Variants in HS3ST1 observed in about 807,000 individuals in gnomAD.
The protein encoded by HS3ST1 is heparan sulfate glucosamine 3-O-sulfotransferase 1.
HS3ST1 carries 8 observed loss-of-function variants against 20.7 expected under a neutral mutation model. That is an observed-to-expected ratio of 0.39 (90% CI 0.23 to 0.70). The LOEUF is 0.70. HS3ST1 is among the 30% of genes least tolerant of loss of function. The pLI, the probability that HS3ST1 is intolerant of heterozygous loss-of-function variation, is 0.46. For synonymous variants in HS3ST1, 205 were observed against 190.4 expected (o/e 1.08, Z -0.63); for missense variants, 436 against 423.4 (o/e 1.03, Z -0.26).
At chr4:11,422,436 A>G (rs1718963097) in intron 1 of HS3ST1, among the ~76,000 whole-genome samples, 1 of 152,230 alleles carries the variant, frequency 6.6e-6, no homozygotes, top group South Asian at 2.1e-4. Context: ...AGGTGACTCC[A>G]GATAAACATA....
chr4:11,434,298 A>C (rs2108896132), upstream of HS3ST1, among the ~76,000 whole-genome samples: 1 of 152,266 alleles, frequency 6.6e-6, no homozygotes, highest in African/African-American at 2.4e-5. Flanking sequence ...TTTTAACAAA[A>C]ATTAATTTAA....
intron 1 of HS3ST1, among the ~76,000 whole-genome samples, chr4:11,405,891 G>A (rs1297556253): frequency 6.6e-6 from 1 of 152,116 alleles, no homozygotes; most frequent in African/African-American, 2.4e-5. Context: ...TATTCTCTCA[G>A]TCCCACTACT....
upstream of HS3ST1, among the ~76,000 whole-genome samples, chr4:11,431,870 A>G (rs1247638814): frequency 1.3e-5 from 2 of 152,180 alleles, no homozygotes; most frequent in Non-Finnish European, 2.9e-5. Flanking sequence ...AGGAGAGTTT[A>G]GTGACTCGTT....
intron 1 of HS3ST1, among the ~76,000 whole-genome samples, chr4:11,416,380 C>A (rs575240910): frequency 6.6e-6 from 1 of 152,282 alleles, no homozygotes; most frequent in South Asian, 2.1e-4. Context: ...AGGGGCATGA[C>A]CGTGGTTCTG....
chr4:11,406,021 A>G (rs143138001), intron 1 of HS3ST1, among the ~76,000 whole-genome samples: 1,626 of 152,258 alleles, frequency 0.011, 17 homozygotes, highest in Non-Finnish European at 0.014. Context: ...CAGCCCCTCA[A>G]TGAGAGATGG....
At chr4:11,401,700 A>G (rs1478450726) in intron 1 of HS3ST1, among the ~76,000 whole-genome samples, 2 of 152,152 alleles carry the variant, frequency 1.3e-5, no homozygotes, top group African/African-American at 2.4e-5. Context: ...CTATTAGTCT[A>G]TTTCAAAATT....
intron 1 of HS3ST1, among the ~76,000 whole-genome samples, chr4:11,407,099 A>G (rs1388353571): frequency 1.3e-5 from 2 of 152,020 alleles, no homozygotes; most frequent in African/African-American, 2.4e-5. Flanking sequence ...ATAAATATTT[A>G]TTTTCTTGAA....
At chr4:11,413,673 A>G (rs1270396777) in intron 1 of HS3ST1, among the ~76,000 whole-genome samples, 1 of 152,084 alleles carries the variant, frequency 6.6e-6, no homozygotes, top group East Asian at 1.9e-4. Context: ...ACAATAGGAG[A>G]GAAGGTACAA....
intron 1 of HS3ST1, among the ~76,000 whole-genome samples, chr4:11,406,798 A>G (rs1031585229): frequency 1.3e-5 from 2 of 152,054 alleles, no homozygotes; most frequent in African/African-American, 2.4e-5. Context: ...GTGTTGAGTG[A>G]TTTAATTTTC....
chr4:11,418,564 C>A (rs16881605), intron 1 of HS3ST1, among the ~76,000 whole-genome samples: 7 of 152,158 alleles, frequency 4.6e-5, no homozygotes, highest in African/African-American at 1.7e-4. Context: ...TTTCAAACTG[C>A]GTGGCGAATG....
chr4:11,426,713 G>C (rs1449681004), intron 1 of HS3ST1, among the ~76,000 whole-genome samples: 1 of 152,232 alleles, frequency 6.6e-6, no homozygotes, highest in East Asian at 1.9e-4. Flanking sequence ...AGAGTGCTTA[G>C]TCATGAAGTT....
At chr4:11,421,287 A>C (rs1172301679) in intron 1 of HS3ST1, among the ~76,000 whole-genome samples, 1 of 152,358 alleles carries the variant, frequency 6.6e-6, no homozygotes, top group South Asian at 2.1e-4. Context: ...TTCCAAAGTC[A>C]TGCTCTTTCA....
intron 1 of HS3ST1, chr4:11,428,407 A>T (rs1719121537): frequency 6.6e-6 from 1 of 152,304 alleles, no homozygotes; most frequent in African/African-American, 2.4e-5. Context: ...ACGACTCTGC[A>T]GGGGGGGAAA....
chr4:11,414,087 T>G (rs1718705935), intron 1 of HS3ST1: 1 of 152,190 alleles, frequency 6.6e-6, no homozygotes, highest in Non-Finnish European at 1.5e-5. Flanking sequence ...CAGTCTTCCA[T>G]CCCAAGTACT....
intron 1 of HS3ST1, among the ~76,000 whole-genome samples, chr4:11,400,336 G>T (rs1408305437): frequency 6.6e-6 from 1 of 152,134 alleles, no homozygotes; most frequent in Non-Finnish European, 1.5e-5. Flanking sequence ...CTCCAACCGT[G>T]CTATTATAGA....
chr4:11,431,270 C>T (rs937475890), upstream of HS3ST1, among the ~76,000 whole-genome samples: 4 of 151,754 alleles, frequency 2.6e-5, no homozygotes, highest in Admixed American at 2.6e-4. Context: ...TGGAACTTCC[C>T]TCAAGGAGTC....
At chr4:11,431,125 T>G (rs1452484171), upstream of HS3ST1, among the ~76,000 whole-genome samples, 1 of 151,958 alleles carries the variant, frequency 6.6e-6, no homozygotes, top group African/African-American at 2.4e-5. Flanking sequence ...TCTAATAGAT[T>G]ATAAACGCCT....
At chr4:11,402,879 G>A (rs936569442) in intron 1 of HS3ST1, among the ~76,000 whole-genome samples, 2 of 152,198 alleles carry the variant, frequency 1.3e-5, no homozygotes, top group South Asian at 4.1e-4. Context: ...AGACAGTAGA[G>A]AAGAAACTAA....
intron 1 of HS3ST1, among the ~76,000 whole-genome samples, chr4:11,409,785 C>G (rs1718569529): frequency 6.6e-6 from 1 of 152,220 alleles, no homozygotes; most frequent in Non-Finnish European, 1.5e-5. Context: ...AGGGGCAGCA[C>G]TCAGATGCTT....
Sources: gnomAD v4.1 joint callset for allele counts (sites outside exome capture counted in the v4.1 genomes callset) on GRCh38, gnomAD v4.1.1 for gene constraint, MANE v1.5 for transcripts, NCBI Gene and HGNC (gene_info 2026-07-23, HGNC 2026-07-21) for gene names.